The following CYFIP1 variants were observed in gnomAD, a reference collection of about 807,000 sequenced individuals.
CYFIP1 encodes the protein cytoplasmic FMR1-interacting protein 1.
Under a neutral mutation model 163.5 loss-of-function variants are expected in CYFIP1, and 58 were observed. That is an observed-to-expected ratio of 0.35 (90% CI 0.29 to 0.44). The LOEUF (loss-of-function observed/expected upper bound fraction) is 0.44, where lower values mean the gene tolerates loss of function less well. Ranked by LOEUF, CYFIP1 falls within the 20% of genes least tolerant of loss-of-function variation. CYFIP1 has a pLI of 1.00. For synonymous variants in CYFIP1, 663 were observed against 660.7 expected, an observed-to-expected ratio of 1.00 and a Z score of -0.05; for missense variants, 1,338 against 1,653.8, an observed-to-expected ratio of 0.81 and a Z score of 3.31.
intron 1 of CYFIP1, among the ~76,000 whole-genome samples, chr15:22,953,140 G>A (rs919250251): frequency 3.3e-5 from 5 of 152,198 alleles, no homozygotes; most frequent in Non-Finnish European, 5.9e-5. Context: ...CCTGTTAGGC[G>A]GACTTGGAGT....
chr15:22,916,282 C>A (rs979209588), intron 16 of CYFIP1, among the ~76,000 whole-genome samples, 195 bp downstream of exon 16: 5 of 152,160 alleles, frequency 3.3e-5, no homozygotes, highest in African/African-American at 1.2e-4. Flanking sequence ...CAGTTTATAC[C>A]CTTGTAGGGA....
intron 23 of CYFIP1, among the ~76,000 whole-genome samples, chr15:22,883,260 C>T (rs113142744): frequency 9.4e-4 from 143 of 152,296 alleles, no homozygotes; most frequent in African/African-American, 2.1e-3. Flanking sequence ...ATAGCCGACT[C>T]GCTAGAAGCC....
At position 22,903,908 on chromosome 15, in the gene CYFIP1, G is replaced by A. The variant is rs749811644; in HGVS notation, c.2389-3C>T. The stretch of plus-strand genomic sequence containing the variant: ...ATTTCCAACAGGCCATCCAGCTCCT[G>A]TGGCACCAAAGACAGGGGTGGGTGA... On this transcript the variant is annotated splice_region_variant and splice_polypyrimidine_tract_variant and intron_variant, in intron 21 of 30. Coordinates refer to ENST00000617928, the MANE Select transcript of CYFIP1 (RefSeq NM_014608.6). 1.5e-5 allele frequency: 25 copies of A among 1,613,580 alleles called. No individual in the cohort carries two copies.
rs557993590 is a variant in CYFIP1, at chr15:22,910,928, G to A, written c.2083-115C>T. 170 of 910,932 alleles carry A rather than the reference G, an allele frequency of 1.9e-4. 1 individual carries two copies. The African/African-American group carries it at 2.3e-3, about 13-fold the overall frequency. 56.4% of individuals were successfully genotyped at this position (910,932 alleles called of 1,614,324 possible). On this transcript the variant is annotated intron_variant, in intron 18 of 30. Coordinates refer to ENST00000617928, the MANE Select transcript of CYFIP1 (RefSeq NM_014608.6). ...CTAACTGAGGCTCTTTTATTTTTTT[G>A]AGACGGAGTCTTGCTCTGTTGCCCA... is the stretch of plus-strand genomic sequence containing the variant.
At chr15:22,960,513 G>C (rs1347731373) in intron 1 of CYFIP1, among the ~76,000 whole-genome samples, 2 of 152,234 alleles carry the variant, frequency 1.3e-5, no homozygotes, top group Non-Finnish European at 2.9e-5. Flanking sequence ...CCAGAATCCT[G>C]ATCTTAAAGC....
At chr15:22,940,004 C>T (rs1027541181) in intron 6 of CYFIP1, among the ~76,000 whole-genome samples, 1 of 152,194 alleles carries the variant, frequency 6.6e-6, no homozygotes, top group Non-Finnish European at 1.5e-5. Flanking sequence ...GGTCCTGAGA[C>T]AGAGCCCTGG....
chr15:22,960,763 C>T (rs1016728988), intron 1 of CYFIP1, among the ~76,000 whole-genome samples: 3 of 152,214 alleles, frequency 2.0e-5, no homozygotes, highest in Non-Finnish European at 4.4e-5. Context: ...GACAATACCA[C>T]ATCTGGGCGG....
chr15:22,883,866 A>G (rs898086065), intron 23 of CYFIP1, among the ~76,000 whole-genome samples: 5 of 151,600 alleles, frequency 3.3e-5, no homozygotes, highest in Non-Finnish European at 7.4e-5. Flanking sequence ...ACAGTTCCAC[A>G]TGGCTGGGGA....
chr15:22,947,438 G>A, intron 1 of CYFIP1, 147 bp from the exon 2 acceptor site: 1 of 1,149,084 alleles, frequency 8.7e-7, no homozygotes. Flanking sequence ...CAGTCCTTGG[G>A]AGTTGCGTGT....
rs7403459 is a variant in CYFIP1, at chr15:22,946,761, T to C, written c.207+242A>G. The C allele has an allele frequency of 1, 657,727 of 658,214 alleles. 328,620 individuals are homozygous for C. Among genetic ancestry groups the C allele is most frequent in the Middle Eastern group, 1 (4,144 of 4,144 alleles). The allele number at this position is 658,214 out of a possible 1,614,324, so 40.8% of individuals were successfully genotyped here. On this transcript the variant is annotated intron_variant, in intron 3 of 30. Transcript: ENST00000617928. ...AGGGAATGAGCATTAACAGGGCAGGTGCACCCTTGAAACGCTGACAAAGGT... is the reference window on the plus strand; with the variant it reads ...AGGGAATGAGCATTAACAGGGCAGGCGCACCCTTGAAACGCTGACAAAGGT...
In CYFIP1 at chr15:22,883,556, A is replaced by G. The variant is rs538078913; in HGVS notation, c.2677-545T>C. 5.3e-4 allele frequency among the ~76,000 whole-genome samples: 80 copies of G among 152,246 alleles called. 1 individual carries two copies. Among genetic ancestry groups the G allele is most frequent in the African/African-American group, 1.5e-3 (63 of 41,522 alleles). ...GTTTAGGCCAGGCGCGGCGACTCAC[A>G]CCTGTAATCCCAGCCCTTTGGGAGG... On this transcript the variant is annotated intron_variant, in intron 23 of 30. Coordinates refer to ENST00000617928, the MANE Select transcript of CYFIP1 (RefSeq NM_014608.6).
In CYFIP1 at chr15:22,914,769, G is replaced by A. The variant is rs756923444; in HGVS notation, c.1942C>T (p.Leu648=). The A allele has an allele frequency of 1.2e-6, 2 of 1,613,870 alleles. No homozygotes were observed. The highest frequency in any genetic ancestry group is 1.7e-6 in the Non-Finnish European group (2 of 1,179,904). ...TTGGTCTCCAGGATGTGGTCCGTCAGGATCCAGGGCATCGACATCTCAATG... is the reference window on the plus strand; with the variant it reads ...TTGGTCTCCAGGATGTGGTCCGTCAAGATCCAGGGCATCGACATCTCAATG... ...FPIEMSMPWI[L]TDHILETKEA... The change falls in exon 17 of 31, where the codon CTG becomes TTG. Residue 648 remains leucine, a synonymous_variant. Coordinates refer to ENST00000617928, the MANE Select transcript of CYFIP1 (RefSeq NM_014608.6).
chr15:22,931,372 G>A (rs899535504), intron 11 of CYFIP1, among the ~76,000 whole-genome samples: 6 of 152,124 alleles, frequency 3.9e-5, no homozygotes, highest in Non-Finnish European at 5.9e-5. Flanking sequence ...AAAGCTGGAA[G>A]GAACTAAAGA....
At chr15:22,922,161 C>G (rs936377116) in intron 13 of CYFIP1, among the ~76,000 whole-genome samples, 3 of 152,100 alleles carry the variant, frequency 2.0e-5, no homozygotes, top group African/African-American at 7.2e-5. Flanking sequence ...AGTGTCCTGC[C>G]TAGAGATTAT....
chr15:22,934,976 T>C (rs2061669671), intron 9 of CYFIP1, among the ~76,000 whole-genome samples: 1 of 152,326 alleles, frequency 6.6e-6, no homozygotes, highest in Middle Eastern at 3.4e-3. Flanking sequence ...GAAATGATCA[T>C]GTTTGTGCCT....
chr15:22,916,901 T>C (rs1235504322), intron 15 of CYFIP1: 10 of 1,551,278 alleles, frequency 6.4e-6, no homozygotes, highest in Non-Finnish European at 8.7e-6. Flanking sequence ...TTAAAAGGGG[T>C]AGGTAGGTGC....
chr15:22,872,382 C>G (rs1421308425), intron 30 of CYFIP1, among the ~76,000 whole-genome samples: 2 of 151,332 alleles, frequency 1.3e-5, no homozygotes, highest in South Asian at 2.1e-4. Flanking sequence ...ATATGTTTAA[C>G]TGAAGTCCTG....
chr15:22,969,446 A>G (rs2063015117), intron 1 of CYFIP1, among the ~76,000 whole-genome samples: 1 of 152,226 alleles, frequency 6.6e-6, no homozygotes, highest in Non-Finnish European at 1.5e-5. Context: ...GGTGAAAAAC[A>G]CATCCCTAAT....
In CYFIP1 at chr15:22,927,982, T is replaced by C; in HGVS notation, c.1157A>G (p.Glu386Gly). 1 of 1,597,442 alleles carries C rather than the reference T, an allele frequency of 6.3e-7. No individual in the cohort carries two copies. The highest frequency in any genetic ancestry group is 1.8e-5 in the Admixed American group (1 of 56,480). ...CGCCAGGTCGAAGAGCTTGCGGTAC[T>C]CCGCGTCCGTCTTCTGGGCCTCCTG... ...GRQEAQKTDA[E>G]YRKLFDLALQ... The change falls in exon 12 of 31, where the codon GAG (glutamate) becomes GGG (glycine). Residue 386 changes from glutamate (E) to glycine (G), a missense_variant. Glu to Gly is a moderately conservative substitution (Grantham distance 98). This residue lies in a region of CYFIP1 where 824 missense variants were observed against 995.7 expected (regional missense o/e 0.83). Transcript: ENST00000617928.
Sources: allele counts gnomAD v4.1 joint callset (sites outside exome capture counted in the v4.1 genomes callset), GRCh38; gene constraint gnomAD v4.1.1; regional missense constraint gnomAD v4.1.1; transcripts MANE v1.5; gene names NCBI Gene and HGNC (gene_info 2026-07-23, HGNC 2026-07-21).